PCDHGA1: variants seen among roughly 807,000 people sequenced by gnomAD.
PCDHGA1 encodes protocadherin gamma-A1.
A neutral mutation model predicts 58.0 loss-of-function variants in PCDHGA1; 32 were observed. The ratio of observed to expected loss-of-function variants is 0.55; its 90% CI spans 0.42 to 0.74. The LOEUF is 0.74. Among genes scored for constraint, PCDHGA1 ranks in the 30% least tolerant of loss-of-function variants. The pLI is 0.00. For missense variants in PCDHGA1, 1,205 were observed against 1,182.3 expected, an observed-to-expected ratio of 1.02 and a Z score of -0.28; for synonymous variants, 498 against 501.1, an observed-to-expected ratio of 0.99 and a Z score of 0.08.
At chr5:141,409,462 C>A (rs377705841) in intron 1 of PCDHGA1, 64 of 1,613,870 alleles carry the variant, frequency 4.0e-5, no homozygotes, top group Non-Finnish European at 5.3e-5. Flanking sequence ...AATACAATGT[C>A]ACCATCGTAG....
intron 1 of PCDHGA1, among the ~76,000 whole-genome samples, chr5:141,434,285 T>G (rs1358981946): frequency 6.6e-6 from 1 of 152,232 alleles, no homozygotes; most frequent in Non-Finnish European, 1.5e-5. Context: ...GTATTCTCTG[T>G]TTTTCCTGTA....
rs890351923 is a variant in PCDHGA1 at position 141,330,789 on chromosome 5, G to A, written c.105G>A (p.Val35=). The A allele has an allele frequency of 3.1e-6, 5 of 1,614,112 alleles. No individual in the cohort carries two copies. In the African/African-American group the frequency reaches 6.7e-5, roughly 22 times the overall value. Residue 35 remains valine, a synonymous_variant, in exon 1 of 4, where the codon GTG becomes GTA. Transcript: ENST00000517417. ...GGGCTGGGAATATTCACTACTCAGT[G>A]CCGGAAGAGACAGACAAAGGTTCCT... ...EAGAGNIHYS[V]PEETDKGSFV...
At chr5:141,365,601 T>G in intron 1 of PCDHGA1, 1 of 1,613,644 alleles carries the variant, frequency 6.2e-7, no homozygotes, top group Non-Finnish European at 8.5e-7. Flanking sequence ...ACTTTAACCG[T>G]CATGGACCAT....
intron 2 of PCDHGA1, among the ~76,000 whole-genome samples, chr5:141,497,483 C>T (rs1039341023): frequency 6.6e-6 from 1 of 150,378 alleles, no homozygotes; most frequent in Non-Finnish European, 1.5e-5. Context: ...AGGTGCGGAA[C>T]CTCTCTCTCT....
chr5:141,393,331 G>A (rs2092730399), intron 1 of PCDHGA1: 1 of 1,613,860 alleles, frequency 6.2e-7, no homozygotes. Flanking sequence ...TACCAGCTCA[G>A]CCCCAATCAC....
chr5:141,376,553 G>T, intron 1 of PCDHGA1: 1 of 1,610,804 alleles, frequency 6.2e-7, no homozygotes, highest in Non-Finnish European at 8.5e-7. Flanking sequence ...TGATCTTCCC[G>T]CAACCCAACT....
chr5:141,471,730 G>A (rs535784858), intron 1 of PCDHGA1, among the ~76,000 whole-genome samples: 1 of 152,292 alleles, frequency 6.6e-6, no homozygotes, highest in East Asian at 1.9e-4. Context: ...GGTAAGGAAG[G>A]TTGGAGACAT....
In PCDHGA1 at chr5:141,364,898, A is replaced by T. The variant is rs201286149; in HGVS notation, c.2421+31793A>T. The T allele has an allele frequency of 1.1e-5, 18 of 1,613,800 alleles. No individual in the cohort carries two copies. In the African/African-American group the frequency reaches 2.1e-4, roughly 19 times the overall value. On this transcript the variant is annotated intron_variant, in intron 1 of 3. Transcript: ENST00000517417. ...TGTGGTAAGCGGAACTGATGGACAA[A>T]AGTATCCGGAGCTGGTGTTGGAACA...
chr5:141,449,283 A>C (rs937339676), intron 1 of PCDHGA1, among the ~76,000 whole-genome samples: 1 of 152,102 alleles, frequency 6.6e-6, no homozygotes, highest in African/African-American at 2.4e-5. Flanking sequence ...CTTCACCCGG[A>C]TGCACCGGGT....
At chr5:141,385,197 T>A (rs371691840) in intron 1 of PCDHGA1, 1 of 1,613,774 alleles carries the variant, frequency 6.2e-7, no homozygotes, top group African/African-American at 1.3e-5. Flanking sequence ...CTCGGAAGAG[T>A]CACCTGATCT....
intron 1 of PCDHGA1, chr5:141,357,875 G>A (rs1004747934): frequency 5.4e-6 from 3 of 558,690 alleles, no homozygotes; most frequent in African/African-American, 3.8e-5. Flanking sequence ...TTACAACTCT[G>A]AGCCACCTCA....
Position 141,421,262 on chromosome 5 carries a change from G to GGCTGCT in PCDHGA1, c.2422-73534_2422-73529dup, listed in dbSNP as rs748368476. 11 of 1,609,598 alleles carry GGCTGCT rather than the reference G, an allele frequency of 6.8e-6. No individual in the cohort carries two copies. The Admixed American group carries it at 8.4e-5, about 12-fold the overall frequency. ...CGGCTACAGCGCGGGGACCGCAGTC[G>GGCTGCT]GCTGCTGCTGCTGCTGTGCATTTTC... is the stretch of plus-strand genomic sequence containing the variant. On this transcript the variant is annotated intron_variant, in intron 1 of 3. Coordinates refer to ENST00000517417, the MANE Select transcript of PCDHGA1 (RefSeq NM_018912.3).
At chr5:141,349,628 A>C (rs1364832627) in intron 1 of PCDHGA1, among the ~76,000 whole-genome samples, 4 of 152,190 alleles carry the variant, frequency 2.6e-5, no homozygotes, top group African/African-American at 9.7e-5. Context: ...TTGATAACAT[A>C]TATATGGAGA....
intron 1 of PCDHGA1, chr5:141,375,000 A>AC (rs1771024393): frequency 6.2e-7 from 1 of 1,613,928 alleles, no homozygotes; most frequent in Non-Finnish European, 8.5e-7. Context: ...ACTTCTGCAA[A>AC]TCTAGACTAT....
chr5:141,490,730 A>C lies in PCDHGA1; in HGVS notation c.2422-4077A>C. On this transcript the variant is annotated intron_variant, in intron 1 of 3. Coordinates refer to ENST00000517417, the MANE Select transcript of PCDHGA1 (RefSeq NM_018912.3). This position sits in a 1 kb window ranked among gnomAD's most constrained non-coding sequence, Gnocchi z 5.4. ...CTCACCTACTCCATTGTAGGAAATC[A>C]GGTTCAGGGAGCCCCAGCCTCCTCC... 6.2e-7 allele frequency: 1 copy of C among 1,614,188 alleles called. No homozygotes were observed. Among genetic ancestry groups the C allele is most frequent in the Non-Finnish European group, 8.5e-7 (1 of 1,180,024 alleles).
chr5:141,496,215 T>C (rs2099767024), intron 2 of PCDHGA1, among the ~76,000 whole-genome samples: 3 of 152,114 alleles, frequency 2.0e-5, no homozygotes, highest in Non-Finnish European at 4.4e-5. Context: ...TATGAATTCC[T>C]GCTGAGACAG....
rs755093164 is a variant in PCDHGA1, at chr5:141,485,516, G to C, written c.2422-9291G>C. On this transcript the variant is annotated intron_variant, in intron 1 of 3. Coordinates refer to ENST00000517417, the MANE Select transcript of PCDHGA1 (RefSeq NM_018912.3). The surrounding 1 kb of genome is among the most constrained non-coding windows in gnomAD (Gnocchi z 5.7). Reference sequence around the variant, plus strand: ...GGAGTTTGTCACCGAAGGTCCTTTGGAAATGTACCGAGCAGAGGTAGAGAT... The same window carrying C: ...GGAGTTTGTCACCGAAGGTCCTTTGCAAATGTACCGAGCAGAGGTAGAGAT... 1 of 1,614,172 alleles carries C rather than the reference G, an allele frequency of 6.2e-7. No individual in the cohort carries two copies.
At position 141,432,252 on chromosome 5, in the gene PCDHGA1, G is replaced by A. The variant is rs749107567; in HGVS notation, c.2422-62555G>A. 3.7e-6 allele frequency: 6 copies of A among 1,614,220 alleles called. No homozygotes were observed. The highest frequency in any genetic ancestry group is 5.1e-6 in the Non-Finnish European group (6 of 1,180,042). ...TCCCTGGCTGAGAACACCATCCAAG[G>A]GGCAAGCCTATCGTCCTACGTGTCC... On this transcript the variant is annotated intron_variant, in intron 1 of 3. Coordinates refer to ENST00000517417, the MANE Select transcript of PCDHGA1 (RefSeq NM_018912.3). The surrounding 1 kb of genome is among the most constrained non-coding windows in gnomAD (Gnocchi z 6.0).
Position 141,331,571 on chromosome 5 carries a change from C to T in PCDHGA1, c.887C>T (p.Ser296Phe), listed in dbSNP as rs994858676. 2.5e-5 allele frequency: 41 copies of T among 1,613,982 alleles called. No homozygotes were observed. The highest frequency in any genetic ancestry group is 3.1e-5 in the Non-Finnish European group (36 of 1,180,046). Reference protein sequence around the residue: ...HRVAQIFRLDSYTGEISNKEP... With the variant: ...HRVAQIFRLDFYTGEISNKEP... Reference sequence around the variant, plus strand: ...GTGGCCCAAATATTTCGTTTAGATTCTTACACAGGAGAAATATCAAATAAA... The same window carrying T: ...GTGGCCCAAATATTTCGTTTAGATTTTTACACAGGAGAAATATCAAATAAA... The change falls in exon 1 of 4, where the codon TCT (serine) becomes TTT (phenylalanine). Residue 296 changes from serine (S) to phenylalanine (F), a missense_variant. Ser to Phe is a radical substitution (Grantham distance 155, BLOSUM62 -2). Coordinates refer to ENST00000517417, the MANE Select transcript of PCDHGA1 (RefSeq NM_018912.3).
Sources: gnomAD v4.1 joint callset for allele counts (sites outside exome capture counted in the v4.1 genomes callset) on GRCh38, gnomAD v4.1.1 for gene constraint, Gnocchi (gnomAD v3.1) non-coding constraint, MANE v1.5 for transcripts, NCBI Gene and HGNC (gene_info 2026-07-23, HGNC 2026-07-21) for gene names.